Variants in LDB2 observed in about 807,000 individuals in gnomAD.
LDB2 encodes LIM domain binding 2, also known as LIM domain-binding protein 2.
In LDB2, 12 loss-of-function variants were observed where a neutral mutation model predicts 44.3. The observed-to-expected ratio is 0.27, with a 90% CI of 0.17 to 0.44. The LOEUF (loss-of-function observed/expected upper bound fraction) is 0.44, where lower values mean the gene tolerates loss of function less well. Ranked by LOEUF, LDB2 falls within the 20% of genes least tolerant of loss-of-function variation. The pLI, the probability that LDB2 is intolerant of heterozygous loss-of-function variation, is 1.00. For synonymous variants in LDB2, 164 were observed against 174.8 expected (o/e 0.94, Z 0.49); for missense variants, 344 against 473.5 (o/e 0.73, Z 2.54).
chr4:16,594,375 T>C (rs1720157568), intron 3 of LDB2, among the ~76,000 whole-genome samples: 1 of 152,214 alleles, frequency 6.6e-6, no homozygotes, highest in Non-Finnish European at 1.5e-5. Context: ...TTACTTTCCA[T>C]GTAGCAAAAG....
At chr4:16,789,233 C>T (rs1186142455) in intron 1 of LDB2, among the ~76,000 whole-genome samples, 1 of 152,040 alleles carries the variant, frequency 6.6e-6, no homozygotes, top group African/African-American at 2.4e-5. Context: ...ATCCACGGAC[C>T]CAAGTGGGAG....
intron 2 of LDB2, among the ~76,000 whole-genome samples, chr4:16,620,461 G>A (rs1000878414): frequency 2.6e-5 from 4 of 152,168 alleles, no homozygotes; most frequent in South Asian, 2.1e-4. Context: ...AATAGGTAAG[G>A]ATCATCTTCC....
At chr4:16,652,299 A>G (rs1465375795) in intron 2 of LDB2, among the ~76,000 whole-genome samples, 1 of 152,182 alleles carries the variant, frequency 6.6e-6, no homozygotes, top group African/African-American at 2.4e-5. Context: ...TGTTAAGGAT[A>G]CATACGCAAA....
chr4:16,793,122 T>C (rs887377836), intron 1 of LDB2, among the ~76,000 whole-genome samples: 3 of 152,226 alleles, frequency 2.0e-5, no homozygotes, highest in African/African-American at 7.2e-5. Context: ...ATCAGGAAAC[T>C]TCATTTCTAA....
At chr4:16,581,391 A>G in intron 5 of LDB2, 1 of 983,800 alleles carries the variant, frequency 1.0e-6, no homozygotes, top group Non-Finnish European at 1.2e-6. Flanking sequence ...CCCATGTCAC[A>G]GTGAGAGGAT....
intron 5 of LDB2, among the ~76,000 whole-genome samples, chr4:16,525,413 A>G (rs1288304218): frequency 2.6e-5 from 4 of 152,180 alleles, no homozygotes; most frequent in South Asian, 2.1e-4. Context: ...CAGCTGCTCA[A>G]TTGCTCCCCA....
At chr4:16,887,223 A>G (rs201079447) in intron 1 of LDB2, among the ~76,000 whole-genome samples, 6,700 of 150,520 alleles carry the variant, frequency 0.045, 245 homozygotes, top group Admixed American at 0.083. Flanking sequence ...AAGACTTGAA[A>G]AAAAAAAAAA....
At chr4:16,556,970 T>C (rs1440070349) in intron 5 of LDB2, among the ~76,000 whole-genome samples, 4 of 152,256 alleles carry the variant, frequency 2.6e-5, no homozygotes, top group African/African-American at 4.8e-5. Context: ...AGTAAATCTA[T>C]GTGTTGATAT....
At chr4:16,815,518 CCTCTAT>C (rs1780733184) in intron 1 of LDB2, among the ~76,000 whole-genome samples, 1 of 152,136 alleles carries the variant, frequency 6.6e-6, no homozygotes. Flanking sequence ...TCCAGTGAAT[CCTCTAT>C]TTTTCACAAG....
chr4:16,693,695 G>C (rs1350830256), intron 2 of LDB2, among the ~76,000 whole-genome samples: 1 of 152,188 alleles, frequency 6.6e-6, no homozygotes, highest in African/African-American at 2.4e-5. Context: ...GGTTAAAGAG[G>C]GACACAGTGA....
At chr4:16,683,846 G>C (rs1748545939) in intron 2 of LDB2, among the ~76,000 whole-genome samples, 1 of 152,202 alleles carries the variant, frequency 6.6e-6, no homozygotes, top group African/African-American at 2.4e-5. Flanking sequence ...CAAAGACCCA[G>C]CTCTTCCTTC....
intron 1 of LDB2, among the ~76,000 whole-genome samples, chr4:16,773,823 C>T (rs1451658356): frequency 6.6e-6 from 1 of 151,920 alleles, no homozygotes; most frequent in Non-Finnish European, 1.5e-5. Context: ...CAGCCTCGAA[C>T]TCCTGGACGC....
chr4:16,516,792 T>C (rs764211186), intron 5 of LDB2, among the ~76,000 whole-genome samples: 69 of 152,322 alleles, frequency 4.5e-4, no homozygotes, highest in Non-Finnish European at 2.5e-4. Flanking sequence ...AATGTAAAAA[T>C]ATCTTCCCAT....
At chr4:16,821,038 C>T (rs1270050190) in intron 1 of LDB2, among the ~76,000 whole-genome samples, 8 of 152,146 alleles carry the variant, frequency 5.3e-5, no homozygotes, top group Non-Finnish European at 1.2e-4. Flanking sequence ...ATTGACCACT[C>T]ATCAATTGCT....
intron 2 of LDB2, among the ~76,000 whole-genome samples, chr4:16,661,514 A>G (rs1741586415): frequency 6.6e-6 from 1 of 152,188 alleles, no homozygotes; most frequent in African/African-American, 2.4e-5. Flanking sequence ...TGATACAATT[A>G]CCTACTTCCT....
At chr4:16,557,377 C>T (rs561962466) in intron 5 of LDB2, among the ~76,000 whole-genome samples, 13 of 152,308 alleles carry the variant, frequency 8.5e-5, no homozygotes, top group South Asian at 2.1e-4. Context: ...ACTTTTCCGA[C>T]GGGCTTAAAA....
chr4:16,688,432 G>A (rs73238820), intron 2 of LDB2, among the ~76,000 whole-genome samples: 2,021 of 152,220 alleles, frequency 0.013, 25 homozygotes, highest in Non-Finnish European at 0.02. Flanking sequence ...GGCCAGCTTC[G>A]GCCACTGTCC....
chr4:16,717,187 A>AATAATAATAATAATG (rs56204510), intron 2 of LDB2, among the ~76,000 whole-genome samples: 26 of 146,884 alleles, frequency 1.8e-4, no homozygotes, highest in African/African-American at 6.4e-4. Flanking sequence ...TAATAATAAT[A>AATAATAATAATAATG]ATGATGATGA....
At chr4:16,506,587 C>T (rs1472273903) in intron 7 of LDB2, 2 of 152,266 alleles carry the variant, frequency 1.3e-5, no homozygotes, top group African/African-American at 2.4e-5. Context: ...CTGCTACTCT[C>T]AACTTCTACA....
Sources: allele counts gnomAD v4.1 joint callset (sites outside exome capture counted in the v4.1 genomes callset), GRCh38; gene constraint gnomAD v4.1.1; transcripts MANE v1.5; gene names NCBI Gene and HGNC (gene_info 2026-07-23, HGNC 2026-07-21).